The following MITD1 variants were observed in gnomAD, a reference collection of about 807,000 sequenced individuals.
The protein encoded by MITD1 is microtubule interacting and trafficking domain containing 1.
MITD1 carries 24 observed loss-of-function variants against 34.9 expected under a neutral mutation model. The ratio of observed to expected loss-of-function variants is 0.69; its 90% CI spans 0.50 to 0.97. The LOEUF is 0.97. MITD1 is among the 50% of genes least tolerant of loss of function. The probability of loss-of-function intolerance (pLI) is 0.00; values close to 1 mark genes in which losing one functional copy is unlikely to be tolerated. For missense variants in MITD1, 266 were observed against 294.6 expected (o/e 0.90, Z 0.71); for synonymous variants, 102 against 101.4 (o/e 1.01, Z -0.04).
chr2:99,166,920 T>C (rs1198317500), downstream of MITD1, among the ~76,000 whole-genome samples: 10 of 146,248 alleles, frequency 6.8e-5, no homozygotes, highest in Admixed American at 6.8e-4. Context: ...ATTAGCTCTG[T>C]AATACGTTTA....
downstream of MITD1, among the ~76,000 whole-genome samples, chr2:99,168,010 T>G (rs553251977): frequency 6.6e-6 from 1 of 152,346 alleles, no homozygotes; most frequent in South Asian, 2.1e-4. Flanking sequence ...TCTCTACCTT[T>G]GGTCCTCTAC....
chr2:99,174,285 T>C (rs1464146938), intron 1 of MITD1, among the ~76,000 whole-genome samples: 1 of 152,186 alleles, frequency 6.6e-6, no homozygotes, highest in Admixed American at 6.5e-5. Flanking sequence ...GGATGAAAGG[T>C]GGCTCATTAC....
chr2:99,180,688 G>A, intron 1 of MITD1, 143 bp downstream of exon 1: 1 of 728,440 alleles, frequency 1.4e-6, no homozygotes, highest in Non-Finnish European at 2.4e-6. Context: ...CGGCCCAGTT[G>A]TCCTATAGAA....
chr2:99,162,901 C>G, intron 7 of MITD1: 2 of 1,613,160 alleles, frequency 1.2e-6, no homozygotes, highest in Non-Finnish European at 1.7e-6. Context: ...ATTGAAGCAC[C>G]TGATCATTGG....
chr2:99,173,671 T>G, intron 2 of MITD1: 7 of 534,900 alleles, frequency 1.3e-5, no homozygotes, highest in Middle Eastern at 5.0e-4. Context: ...ATAGCTTTCA[T>G]GAGATGTTCA....
chr2:99,162,120 A>G lies in MITD1; in HGVS notation c.*102T>C, dbSNP rs1264745627. ...TGTGGAAGACTGGATCCATGACCAT[A>G]TGAATCTAGAAGGCAAACCAATTCT... On this transcript the variant is annotated 3_prime_UTR_variant, in exon 8 of 8. Transcript: ENST00000422537. 25 of 1,614,070 alleles carry G rather than the reference A, an allele frequency of 1.5e-5. No individual in the cohort carries two copies. The highest frequency in any genetic ancestry group is 1.9e-5 in the Non-Finnish European group (23 of 1,180,036).
At chr2:99,178,600 T>G (rs2093899451) in intron 1 of MITD1, among the ~76,000 whole-genome samples, 1 of 152,142 alleles carries the variant, frequency 6.6e-6, no homozygotes, top group Non-Finnish European at 1.5e-5. Context: ...GGGATGGGGT[T>G]ATAATTTTAC....
At chr2:99,162,440 A>G in intron 7 of MITD1, 1 of 1,614,036 alleles carries the variant, frequency 6.2e-7, no homozygotes, top group Non-Finnish European at 8.5e-7. Flanking sequence ...GACAGTTTAA[A>G]ATCTCAGGAA....
chr2:99,171,454 T>G (rs1161977292), intron 3 of MITD1, 25 bp from the exon 4 acceptor site: 2 of 1,600,040 alleles, frequency 1.2e-6, no homozygotes, highest in Non-Finnish European at 8.6e-7. Context: ...AATGGATTAT[T>G]ACTAATTTAG....
chr2:99,171,741 T>C (rs1186946534), intron 2 of MITD1, 95 bp from the exon 3 acceptor site: 8 of 1,224,236 alleles, frequency 6.5e-6, no homozygotes, highest in Non-Finnish European at 9.1e-6. Context: ...ATCAGATACA[T>C]ATTAATTTTT....
At chr2:99,162,746 C>G in intron 7 of MITD1, 1 of 1,614,004 alleles carries the variant, frequency 6.2e-7, no homozygotes, top group Non-Finnish European at 8.5e-7. Context: ...ATAGCAAAGC[C>G]AAAGAACTGC....
chr2:99,162,918 T>C (rs1484421908), intron 7 of MITD1: 1 of 1,613,564 alleles, frequency 6.2e-7, no homozygotes, highest in African/African-American at 1.3e-5. Flanking sequence ...TTGGTTGCCA[T>C]TGGAAATACG....
chr2:99,180,733 G>A, intron 1 of MITD1, 98 bp downstream of exon 1: 1 of 1,034,518 alleles, frequency 9.7e-7, no homozygotes, highest in Middle Eastern at 2.1e-4. Flanking sequence ...CTTCTTCGTG[G>A]TGTGGAAAAA....
chr2:99,175,882 G>A (rs1002057232), intron 1 of MITD1, among the ~76,000 whole-genome samples: 5 of 152,054 alleles, frequency 3.3e-5, no homozygotes, highest in Non-Finnish European at 5.9e-5. Flanking sequence ...TAGTTCCTGT[G>A]TCCTTTTGTC....
intron 1 of MITD1, chr2:99,178,356 G>A (rs1053260953): frequency 6.6e-6 from 1 of 152,160 alleles, no homozygotes; most frequent in Non-Finnish European, 1.5e-5. Context: ...ACAGGTTAAT[G>A]TCTACTTTAC....
exon 8 of MITD1, chr2:99,162,124 A>C (rs1164200591): frequency 6.2e-7 from 1 of 1,614,130 alleles, no homozygotes; most frequent in African/African-American, 1.3e-5. Flanking sequence ...GACCATATGA[A>C]TCTAGAAGGC....
At position 99,169,462 on chromosome 2, in the gene MITD1, A is replaced by G; in HGVS notation, c.663T>C (p.Phe221=). 6.2e-7 allele frequency: 1 copy of G among 1,607,746 alleles called. No homozygotes were observed. Among genetic ancestry groups the G allele is most frequent in the Non-Finnish European group, 8.5e-7 (1 of 1,176,162 alleles). Residue 221 remains phenylalanine (F), a synonymous_variant, in exon 7 of 7, where the codon TTT becomes TTC. Coordinates refer to ENST00000289359, the MANE Select transcript of MITD1 (RefSeq NM_138798.3). ...AATCAAAATCACAATATCCAAGGGA[A>G]AAACGACTCTAAGAAGAGAAGAAAA... ...LDYFKKPQSR[F]SLGYCDFDLR...
chr2:99,162,842 A>C lies in MITD1; in HGVS notation c.*4-624T>G, dbSNP rs900402356. On this transcript the variant is annotated intron_variant, in intron 7 of 7. Transcript: ENST00000422537. ...TGTTATATGAACAGTCACACTTGGAAATTAAAGTATTCATAGACATAAAGA... is the reference window on the plus strand; with the variant it reads ...TGTTATATGAACAGTCACACTTGGACATTAAAGTATTCATAGACATAAAGA... 4.3e-6 allele frequency: 7 copies of C among 1,613,724 alleles called. No homozygotes were observed. The highest frequency in any genetic ancestry group is 4.2e-6 in the Non-Finnish European group (5 of 1,179,708).
At chr2:99,163,559 C>T (rs2093812562) in intron 7 of MITD1, among the ~76,000 whole-genome samples, 1 of 152,056 alleles carries the variant, frequency 6.6e-6, no homozygotes. Flanking sequence ...AACTCTTGGC[C>T]TCAAGTGATC....
Sources: allele counts gnomAD v4.1 joint callset (sites outside exome capture counted in the v4.1 genomes callset), GRCh38; gene constraint gnomAD v4.1.1; transcripts MANE v1.5; gene names NCBI Gene and HGNC (gene_info 2026-07-23, HGNC 2026-07-21).